The following SBNO2 variants were observed in gnomAD, a reference collection of about 807,000 sequenced individuals.
SBNO2 encodes protein strawberry notch homolog 2.
In SBNO2, 89 loss-of-function variants were observed where a neutral mutation model predicts 146.3. The ratio of observed to expected loss-of-function variants is 0.61; its 90% CI spans 0.51 to 0.73. The LOEUF (loss-of-function observed/expected upper bound fraction) is 0.73, where lower values mean the gene tolerates loss of function less well. Among genes scored for constraint, SBNO2 ranks in the 30% least tolerant of loss-of-function variants. The probability of loss-of-function intolerance (pLI) is 0.00; values close to 1 mark genes in which losing one functional copy is unlikely to be tolerated. For missense variants in SBNO2, 2,092 were observed against 2,003.7 expected (o/e 1.04, Z -0.84); for synonymous variants, 1,147 against 892.6 (o/e 1.29, Z -5.08).
At position 1,108,299 on chromosome 19, in the gene SBNO2, C is replaced by CCCCCCG; in HGVS notation, c.4016_4021dup (p.Ala1339_Gly1340dup). 1 of 1,484,478 alleles carries CCCCCCG rather than the reference C, an allele frequency of 6.7e-7. No homozygotes were observed. The highest frequency in any genetic ancestry group is 9.0e-7 in the Non-Finnish European group (1 of 1,113,534). The allele number at this position is 1,484,478 out of a possible 1,614,324, so 92.0% of individuals were successfully genotyped here. ...CCGCTCGGGACCACCGCCCGCCGCG[C>CCCCCCG]CCCCCGCCCCCGCGCCCTCCCCCAG... On this transcript the variant is annotated inframe_insertion, in exon 32 of 32. Coordinates refer to ENST00000361757, the MANE Select transcript of SBNO2 (RefSeq NM_014963.3).
At position 1,110,594 on chromosome 19, in the gene SBNO2, C is replaced by T. The variant is rs2079744732; in HGVS notation, c.3028+151G>A. 3 of 931,940 alleles carry T rather than the reference C, an allele frequency of 3.2e-6. No individual in the cohort carries two copies. Among genetic ancestry groups the T allele is most frequent in the Non-Finnish European group, 4.5e-6 (3 of 673,882 alleles). The allele number at this position is 931,940 out of a possible 1,614,324, so 57.7% of individuals were successfully genotyped here. A position where few individuals can be genotyped will look rare whatever the true frequency, so the allele number is the denominator to read the frequency against. Reference sequence around the variant, plus strand: ...GCCCGGCGTTCCCACGAGCCCCTCGCCCACCCGGGATGCACGGTGTTCCCA... The same window carrying T: ...GCCCGGCGTTCCCACGAGCCCCTCGTCCACCCGGGATGCACGGTGTTCCCA... On this transcript the variant is annotated intron_variant, in intron 26 of 31. Transcript: ENST00000361757. This position sits in a 1 kb window ranked among gnomAD's most constrained non-coding sequence, Gnocchi z 4.9.
chr19:1,126,222 G>T lies in SBNO2; in HGVS notation c.441+1382C>A, dbSNP rs2079963952. ...CTCCTGAGGGTTTTTAAAGAAAGTG[G>T]AAGCGTGGCACAGGAAGGTTAGAAA... is the stretch of plus-strand genomic sequence containing the variant. On this transcript the variant is annotated intron_variant, in intron 5 of 31. Coordinates refer to ENST00000361757, the MANE Select transcript of SBNO2 (RefSeq NM_014963.3). This position sits in a 1 kb window ranked among gnomAD's most constrained non-coding sequence, Gnocchi z 4.4. Among the ~76,000 whole-genome samples the T allele has an allele frequency of 6.6e-6, 1 of 152,118 alleles. No homozygotes were observed. Among genetic ancestry groups the T allele is most frequent in the Non-Finnish European group, 1.5e-5 (1 of 68,024 alleles).
At chr19:1,131,664 A>G (rs2080029769) in intron 4 of SBNO2, among the ~76,000 whole-genome samples, 1 of 152,080 alleles carries the variant, frequency 6.6e-6, no homozygotes, top group Non-Finnish European at 1.5e-5. Context: ...AGAGCCCCAT[A>G]AGACACCCAG....
Position 1,173,333 on chromosome 19 carries a change from G to A in SBNO2, c.-127+839C>T, listed in dbSNP as rs967974961. Among the ~76,000 whole-genome samples the A allele has an allele frequency of 2.0e-5, 3 of 152,202 alleles. No homozygotes were observed. Among genetic ancestry groups the A allele is most frequent in the Non-Finnish European group, 2.9e-5 (2 of 68,044 alleles). ...CCTCCCGCCTGTCCCTGGAAGCCGG[G>A]TTTGAATGCGACCCGCACTCCCACC... On this transcript the variant is annotated intron_variant, in intron 1 of 31. Coordinates refer to ENST00000361757, the MANE Select transcript of SBNO2 (RefSeq NM_014963.3). This position sits in a 1 kb window ranked among gnomAD's most constrained non-coding sequence, Gnocchi z 4.7.
chr19:1,113,308 C>T (rs2079789757), intron 19 of SBNO2, among the ~76,000 whole-genome samples: 2 of 152,156 alleles, frequency 1.3e-5, no homozygotes. Flanking sequence ...GCTGGGGGAT[C>T]TGGGGCTTAG....
Position 1,158,747 on chromosome 19 carries a change from C to A in SBNO2, c.-126-4345G>T, listed in dbSNP as rs529324490. The stretch of plus-strand genomic sequence containing the variant: ...CCGGGCAGGCACAAGGCGCTCCCTG[C>A]GTCCCAGGACCTGAAGATGGCAAGG... On this transcript the variant is annotated intron_variant, in intron 1 of 31. Coordinates refer to ENST00000361757, the MANE Select transcript of SBNO2 (RefSeq NM_014963.3). This position sits in a 1 kb window ranked among gnomAD's most constrained non-coding sequence, Gnocchi z 9.9. Among the ~76,000 whole-genome samples the A allele has an allele frequency of 2.0e-5, 3 of 152,178 alleles. No homozygotes were observed. The highest frequency in any genetic ancestry group is 4.4e-5 in the Non-Finnish European group (3 of 68,024).
At chr19:1,128,243 G>T in intron 4 of SBNO2, 1 of 495,726 alleles carries the variant, frequency 2.0e-6, no homozygotes, top group Non-Finnish European at 4.0e-6. Context: ...CAATGCTGCA[G>T]GAACTCTGAG....
chr19:1,120,130 G>A (rs1196675635), intron 11 of SBNO2, 107 bp from the exon 12 acceptor site: 11 of 865,132 alleles, frequency 1.3e-5, no homozygotes, highest in South Asian at 1.1e-4. Context: ...GCAAACGCCT[G>A]TGCGGCTGAG....
chr19:1,116,446 A>AG (rs1673766412), intron 16 of SBNO2, among the ~76,000 whole-genome samples: 1 of 143,238 alleles, frequency 7.0e-6, no homozygotes, highest in Non-Finnish European at 1.5e-5. Context: ...GGGGGGATCT[A>AG]GGGGGGCTGC....
chr19:1,168,427 C>T (rs370267146), intron 1 of SBNO2, among the ~76,000 whole-genome samples: 1 of 152,188 alleles, frequency 6.6e-6, no homozygotes, highest in East Asian at 1.9e-4. Context: ...GGGGCTGGGC[C>T]CCTGCCCCAC....
Position 1,108,423 on chromosome 19 carries a change from G to T in SBNO2, c.3898C>A (p.Pro1300Thr). 2 of 1,263,480 alleles carry T rather than the reference G, an allele frequency of 1.6e-6. No individual in the cohort carries two copies. The highest frequency in any genetic ancestry group is 2.0e-5 in the South Asian group (1 of 50,396). 78.3% of individuals were successfully genotyped at this position (1,263,480 alleles called of 1,614,324 possible). Residue 1300 changes from proline to threonine, a missense_variant, in exon 32 of 32, where the codon CCT becomes ACT. Pro to Thr is a conservative substitution (Grantham distance 38, BLOSUM62 -1). Transcript: ENST00000361757. The part of the protein sequence containing the change: ...PLGTPDAQAD[P>T]AALAHQGCDI... The stretch of plus-strand genomic sequence containing the variant: ...CAGCCCTGGTGCGCGAGGGCCGCAG[G>T]GTCGGCCTGGGCGTCGGGGGTGCCC...
chr19:1,122,519 G>T lies in SBNO2; in HGVS notation c.954C>A (p.Arg318=). Residue 318 remains arginine, a synonymous_variant, in exon 10 of 32, where the codon CGC becomes CGA. Coordinates refer to ENST00000361757, the MANE Select transcript of SBNO2 (RefSeq NM_014963.3). The part of the protein sequence containing the change: ...VSNDLKYDAE[R]DLRDIEATGI... ...CCGTGGCTTCGATGTCCCGCAGGTC[G>T]CGCTCCGCATCGTACTTGAGGTCGT... The T allele has an allele frequency of 6.4e-7, 1 of 1,563,724 alleles. No individual in the cohort carries two copies. The highest frequency in any genetic ancestry group is 8.6e-7 in the Non-Finnish European group (1 of 1,156,580).
In SBNO2 at chr19:1,112,446, G is replaced by A. The variant is rs766334068; in HGVS notation, c.2471C>T (p.Thr824Ile). Residue 824 changes from threonine to isoleucine, a missense_variant, in exon 21 of 32, where the codon ACC becomes ATC. Coordinates refer to ENST00000361757, the MANE Select transcript of SBNO2 (RefSeq NM_014963.3). This position sits in a 1 kb window ranked among gnomAD's most constrained non-coding sequence, Gnocchi z 5.9. The part of the protein sequence containing the change: ...VQNQRRRVHM[T>I]LELPWSADRA... Reference sequence around the variant, plus strand: ...GTCGGCGCTCCACGGCAGCTCCAAGGTCATGTGCACGCGGCGCCGCTGGTT... The same window carrying A: ...GTCGGCGCTCCACGGCAGCTCCAAGATCATGTGCACGCGGCGCCGCTGGTT... 2 of 1,607,846 alleles carry A rather than the reference G, an allele frequency of 1.2e-6. No individual in the cohort carries two copies. The highest frequency in any genetic ancestry group is 1.1e-5 in the South Asian group (1 of 90,826).
At chr19:1,172,274 TC>T (rs1279827316) in intron 1 of SBNO2, among the ~76,000 whole-genome samples, 2 of 152,160 alleles carry the variant, frequency 1.3e-5, no homozygotes, top group Admixed American at 1.3e-4. Flanking sequence ...GAGGCCCCCA[TC>T]CTGCTGTTCT....
intron 4 of SBNO2, among the ~76,000 whole-genome samples, chr19:1,131,168 G>A (rs565508703): frequency 5.9e-5 from 9 of 152,238 alleles, no homozygotes; most frequent in African/African-American, 2.2e-4. Flanking sequence ...CCTCCAGGCC[G>A]GCCCAGGCTC....
intron 13 of SBNO2, 48 bp from the exon 14 acceptor site, chr19:1,119,212 TGGAGCCACTC>T (rs2067485490): frequency 6.4e-7 from 1 of 1,556,480 alleles, no homozygotes; most frequent in Non-Finnish European, 8.7e-7. Flanking sequence ...CCCGTGGGGA[TGGAGCCACTC>T]GGAGCGCGAG....
At chr19:1,145,254 G>C (rs2080178746) in intron 4 of SBNO2, among the ~76,000 whole-genome samples, 1 of 150,196 alleles carries the variant, frequency 6.7e-6, no homozygotes, top group South Asian at 2.1e-4. Flanking sequence ...ATCACCACAG[G>C]TCAGGAGTTT....
rs142983663 is a variant in SBNO2, at chr19:1,140,425, G to C, written c.279+6884C>G. Reference sequence around the variant, plus strand: ...TGAGCCATCACCCACCAGGGACATTGAGCCTGATGGCTTCGCGCCAACCTG... The same window carrying C: ...TGAGCCATCACCCACCAGGGACATTCAGCCTGATGGCTTCGCGCCAACCTG... On this transcript the variant is annotated intron_variant, in intron 4 of 31. Transcript: ENST00000361757. The surrounding 1 kb of genome is among the most constrained non-coding windows in gnomAD (Gnocchi z 4.4). Among the ~76,000 whole-genome samples the C allele has an allele frequency of 6.6e-6, 1 of 152,330 alleles. No individual in the cohort carries two copies. Among genetic ancestry groups the C allele is most frequent in the Non-Finnish European group, 1.5e-5 (1 of 68,026 alleles).
rs138788888 is a variant in SBNO2 at position 1,155,514 on chromosome 19, C to T, written c.-126-1112G>A. 1.4e-3 allele frequency among the ~76,000 whole-genome samples: 211 copies of T among 152,326 alleles called. 1 individual carries two copies. In the Middle Eastern group the frequency reaches 0.027, roughly 20 times the overall value. ...CAGCCCTTCCAGCTGCCCACGGGGACCTGCGACACCCTTGCCAGAACGGCC... is the reference window on the plus strand; with the variant it reads ...CAGCCCTTCCAGCTGCCCACGGGGATCTGCGACACCCTTGCCAGAACGGCC... On this transcript the variant is annotated intron_variant, in intron 1 of 31. Transcript: ENST00000361757.
Sources: gnomAD v4.1 joint callset for allele counts (sites outside exome capture counted in the v4.1 genomes callset) on GRCh38, gnomAD v4.1.1 for gene constraint, Gnocchi (gnomAD v3.1) non-coding constraint, MANE v1.5 for transcripts, NCBI Gene and HGNC (gene_info 2026-07-23, HGNC 2026-07-21) for gene names.